Variants in AAMP observed in about 807,000 individuals in gnomAD.
The protein encoded by AAMP is angio-associated migratory cell protein.
In AAMP, 12 loss-of-function variants were observed where a neutral mutation model predicts 51.1. The observed-to-expected ratio is 0.23, with a 90% confidence interval of 0.15 to 0.38. The LOEUF is 0.38. Among genes scored for constraint, AAMP ranks in the 10% least tolerant of loss-of-function variants. The probability of loss-of-function intolerance (pLI) is 1.00; values close to 1 mark genes in which losing one functional copy is unlikely to be tolerated. For missense variants in AAMP, 418 were observed against 557.2 expected, an observed-to-expected ratio of 0.75 and a Z score of 2.52; for synonymous variants, 210 against 218.7, an observed-to-expected ratio of 0.96 and a Z score of 0.35.
Position 218,270,043 on chromosome 2 carries a change from G to T in AAMP, c.44C>A (p.Pro15Gln), listed in dbSNP as rs368777489. 208 of 1,613,642 alleles carry T rather than the reference G, an allele frequency of 1.3e-4. No homozygotes were observed. The highest frequency in any genetic ancestry group is 1.6e-4 in the Non-Finnish European group (194 of 1,179,792). ...ACCATGGAAGCTTAGGGTCTCCAGT[G>T]GGGGGGTGTCAGCAGCAGCCCCGCT... ...SESGAAADTP[P>Q]LETLSFHGDE... Residue 15 changes from proline to glutamine, a missense_variant, in exon 1 of 11, where the codon CCA becomes CAA. Transcript: ENST00000248450.
At chr2:218,269,596 C>G (rs752137748) in intron 1 of AAMP, 62 bp from the exon 2 acceptor site, 12 of 1,612,604 alleles carry the variant, frequency 7.4e-6, no homozygotes, top group Non-Finnish European at 5.1e-6. Flanking sequence ...CGGAGAGAAG[C>G]ATGAGGAGGC....
Position 218,265,376 on chromosome 2 carries a change from G to A in AAMP, c.1069C>T (p.His357Tyr). The change falls in exon 9 of 11, where the codon CAC becomes TAC. Residue 357 changes from histidine (H) to tyrosine (Y), a missense_variant. His to Tyr is a moderately conservative substitution (Grantham distance 83). Transcript: ENST00000248450. The surrounding 1 kb of genome is among the most constrained non-coding windows in gnomAD (Gnocchi z 6.6). Reference sequence around the variant, plus strand: ...CCAGCTCCAGCTGCCCATACCTGGTGCTGACACTGATGCCTAAGAGTCTGC... The same window carrying A: ...CCAGCTCCAGCTGCCCATACCTGGTACTGACACTGATGCCTAAGAGTCTGC... The part of the protein sequence containing the change: ...ATQTLRHQCQ[H>Y]QSGIVQLLWE... The A allele has an allele frequency of 1.3e-6, 2 of 1,557,860 alleles. No homozygotes were observed. The highest frequency in any genetic ancestry group is 1.7e-6 in the Non-Finnish European group (2 of 1,149,622).
Position 218,267,117 on chromosome 2 carries a change from G to T in AAMP, c.395-131C>A. 9.3e-7 allele frequency: 1 copy of T among 1,080,278 alleles called. No individual in the cohort carries two copies. Among genetic ancestry groups the T allele is most frequent in the Non-Finnish European group, 1.3e-6 (1 of 755,294 alleles). 66.9% of individuals were successfully genotyped at this position (1,080,278 alleles called of 1,614,324 possible). ...AAGAGGGGCGGGACTGAGCAGAACA[G>T]GTGCTGGAACTCACCACCACTCTAG... On this transcript the variant is annotated intron_variant, in intron 3 of 10. Coordinates refer to ENST00000248450, the MANE Select transcript of AAMP (RefSeq NM_001087.5). This position sits in a 1 kb window ranked among gnomAD's most constrained non-coding sequence, Gnocchi z 4.6.
At chr2:218,264,947 A>C in intron 10 of AAMP, 73 bp downstream of exon 10, 1 of 1,596,812 alleles carries the variant, frequency 6.3e-7, no homozygotes, top group Non-Finnish European at 8.5e-7. Context: ...CACCCCAAGG[A>C]TCCTGTGTCC....
In AAMP at chr2:218,265,060, G is replaced by A. The variant is rs146196986; in HGVS notation, c.1189C>T (p.Arg397Trp). The change falls in exon 10 of 11, where the codon CGG (arginine) becomes TGG (tryptophan). Residue 397 changes from arginine (R) to tryptophan (W), a missense_variant. Physicochemically the swap from Arg to Trp is moderately radical, Grantham distance 101 (BLOSUM62 -3). Transcript: ENST00000248450. This position sits in a 1 kb window ranked among gnomAD's most constrained non-coding sequence, Gnocchi z 6.6. The part of the protein sequence containing the change: ...ARTGRLLTDY[R>W]GHTAEILDFA... ...TCCAGGATCTCAGCCGTGTGGCCCC[G>A]GTAGTCAGTAAGCAGGCGGCCGGTC... The A allele has an allele frequency of 3.5e-4, 565 of 1,613,876 alleles. 5 individuals are homozygous for A. The East Asian group carries it at 0.012, about 33-fold the overall frequency.
At position 218,264,389 on chromosome 2, in the gene AAMP, G is replaced by A. The variant is rs1488291328; in HGVS notation, c.*144C>T. 2.6e-6 allele frequency: 2 copies of A among 781,444 alleles called. No individual in the cohort carries two copies. Among genetic ancestry groups the A allele is most frequent in the South Asian group, 3.1e-5 (2 of 63,606 alleles). The allele number at this position is 781,444 out of a possible 1,614,324, so 48.4% of individuals were successfully genotyped here. ...TCTCTAAAGAGAAGAAAAGGAGAGG[G>A]GAGCAAGTCAGTTGAAGAGGCTGGA... On this transcript the variant is annotated 3_prime_UTR_variant, in exon 11 of 11. Coordinates refer to ENST00000248450, the MANE Select transcript of AAMP (RefSeq NM_001087.5).
At position 218,265,285 on chromosome 2, in the gene AAMP, G is replaced by C; in HGVS notation, c.1074+86C>G. 3.9e-6 allele frequency: 6 copies of C among 1,544,778 alleles called. No individual in the cohort carries two copies. The highest frequency in any genetic ancestry group is 5.3e-6 in the Non-Finnish European group (6 of 1,138,404). The stretch of plus-strand genomic sequence containing the variant: ...ACACACAAGGGCCAGGCAGGAGCCA[G>C]ATCTGGGGTAGATGCTCCTGGAGGC... On this transcript the variant is annotated intron_variant, in intron 9 of 10. Transcript: ENST00000248450. The surrounding 1 kb of genome is among the most constrained non-coding windows in gnomAD (Gnocchi z 6.6).
chr2:218,268,608 C>T (rs886354272), intron 2 of AAMP, among the ~76,000 whole-genome samples: 1 of 151,744 alleles, frequency 6.6e-6, no homozygotes. Context: ...TTCCAAAGTG[C>T]TGTGATTACA....
Position 218,269,727 on chromosome 2 carries a change from G to A in AAMP, c.122-193C>T, listed in dbSNP as rs1395258391. 2.8e-6 allele frequency: 3 copies of A among 1,073,390 alleles called. No individual in the cohort carries two copies. In the East Asian group the frequency reaches 7.7e-5, roughly 27 times the overall value. The allele number at this position is 1,073,390 out of a possible 1,614,324, so 66.5% of individuals were successfully genotyped here. The stretch of plus-strand genomic sequence containing the variant: ...GCTGGCCAGAGACCGTGCGGTAAGG[G>A]AGGGCCAAGGGGATGATGGGAAGGG... On this transcript the variant is annotated intron_variant, in intron 1 of 10. Transcript: ENST00000248450.
chr2:218,267,515 C>A lies in AAMP; in HGVS notation c.373G>T (p.Glu125Ter). 2 of 1,614,154 alleles carry A rather than the reference C, an allele frequency of 1.2e-6. No individual in the cohort carries two copies. The highest frequency in any genetic ancestry group is 1.7e-6 in the Non-Finnish European group (2 of 1,180,042). Reference sequence around the variant, plus strand: ...TCACCTGCACACTCAAAGAGCAGCTCCCCATCGCTGAGCCGCCATACGAAG... The same window carrying A: ...TCACCTGCACACTCAAAGAGCAGCTACCCATCGCTGAGCCGCCATACGAAG... Reference protein sequence around the residue: ...KAFVWRLSDGELLFECAGHKD... With the variant: ...KAFVWRLSDG Residue 125 changes from glutamate (E) to a stop codon, truncating the protein, a stop_gained, in exon 3 of 11, where the codon GAG (glutamate) becomes TAG (stop). Transcript: ENST00000248450. LOFTEE classifies it high-confidence loss of function. This position sits in a 1 kb window ranked among gnomAD's most constrained non-coding sequence, Gnocchi z 4.6.
chr2:218,264,869 A>T, intron 10 of AAMP, 151 bp downstream of exon 10: 1 of 1,302,900 alleles, frequency 7.7e-7, no homozygotes, highest in East Asian at 2.3e-5. Context: ...ACTGTCAGCC[A>T]CTGGAATGGG....
chr2:218,265,207 G>A lies in AAMP; in HGVS notation c.1075-33C>T. The A allele has an allele frequency of 6.4e-7, 1 of 1,569,526 alleles. No homozygotes were observed. Among genetic ancestry groups the A allele is most frequent in the East Asian group, 2.2e-5 (1 of 44,560 alleles). ...GAGGAATGACAGAGGCAGGGCGGAGGTTGGCAGGAGAGCTGAGAGCCATCT... is the reference window on the plus strand; with the variant it reads ...GAGGAATGACAGAGGCAGGGCGGAGATTGGCAGGAGAGCTGAGAGCCATCT... On this transcript the variant is annotated intron_variant, in intron 9 of 10. Coordinates refer to ENST00000248450, the MANE Select transcript of AAMP (RefSeq NM_001087.5). This position sits in a 1 kb window ranked among gnomAD's most constrained non-coding sequence, Gnocchi z 6.6.
In AAMP at chr2:218,267,630, T is replaced by G; in HGVS notation, c.275-17A>C. ...ACACAGATGCTGTCCCAAGAGATATTCCATGGGTAAGGGGACAGAGCTCCC... is the reference window on the plus strand; with the variant it reads ...ACACAGATGCTGTCCCAAGAGATATGCCATGGGTAAGGGGACAGAGCTCCC... On this transcript the variant is annotated splice_polypyrimidine_tract_variant and intron_variant, in intron 2 of 10. Transcript: ENST00000248450. This position sits in a 1 kb window ranked among gnomAD's most constrained non-coding sequence, Gnocchi z 4.6. 2 of 1,614,110 alleles carry G rather than the reference T, an allele frequency of 1.2e-6. No individual in the cohort carries two copies. Among genetic ancestry groups the G allele is most frequent in the Non-Finnish European group, 1.7e-6 (2 of 1,180,006 alleles).
intron 1 of AAMP, 25 bp downstream of exon 1, chr2:218,269,941 T>G (rs371008027): frequency 6.2e-7 from 1 of 1,613,918 alleles, no homozygotes; most frequent in South Asian, 1.1e-5. Context: ...TCCTGTCCCA[T>G]GGCCTGAGGA....
chr2:218,267,958 G>GGTTTTTT lies in AAMP; in HGVS notation c.275-352_275-346dup, dbSNP rs140247601. ...AGAGCGAGGAGAGCATCACGTTAAGGGTTTTTTGTTTTTTGTTTTTTGTTT... is the reference window on the plus strand; with the variant it reads ...AGAGCGAGGAGAGCATCACGTTAAGGGTTTTTTGTTTTTTGTTTTTTGTTTTTTGTTT... On this transcript the variant is annotated intron_variant, in intron 2 of 10. Coordinates refer to ENST00000248450, the MANE Select transcript of AAMP (RefSeq NM_001087.5). The surrounding 1 kb of genome is among the most constrained non-coding windows in gnomAD (Gnocchi z 4.6). Among the ~76,000 whole-genome samples the GGTTTTTT allele has an allele frequency of 5.9e-5, 9 of 152,018 alleles. No homozygotes were observed. The East Asian group carries it at 1.6e-3, about 26-fold the overall frequency.
At chr2:218,264,759 T>C in intron 10 of AAMP, 151 bp from the exon 11 acceptor site, 2 of 819,750 alleles carry the variant, frequency 2.4e-6, no homozygotes, top group South Asian at 3.1e-5. Flanking sequence ...TGGAGGGGAT[T>C]AGAGGAAGCC....
At chr2:218,269,777 G>A (rs958529482) in intron 1 of AAMP, 189 bp downstream of exon 1, 5 of 1,016,652 alleles carry the variant, frequency 4.9e-6, no homozygotes, top group East Asian at 2.6e-5. Flanking sequence ...AGGGCCAGAG[G>A]AGGCGTCAGG....
At chr2:218,264,973 C>A in intron 10 of AAMP, 47 bp downstream of exon 10, 1 of 1,611,706 alleles carries the variant, frequency 6.2e-7, no homozygotes, top group Non-Finnish European at 8.5e-7. Flanking sequence ...ATACTACTGC[C>A]ACCTTCCAAA....
rs1173240632 is a variant in AAMP, at chr2:218,265,622, C to T, written c.940G>A (p.Glu314Lys). The change falls in exon 8 of 11, where the codon GAG becomes AAG. Residue 314 changes from glutamate to lysine, a missense_variant. Coordinates refer to ENST00000248450, the MANE Select transcript of AAMP (RefSeq NM_001087.5). This position sits in a 1 kb window ranked among gnomAD's most constrained non-coding sequence, Gnocchi z 6.6. ...ASQPSLGEGE[E>K]SESNSVESLG... is the part of the protein sequence containing the mutation. ...GACTCCACCGAGTTGGACTCACTCT[C>T]CTCCCCTTCTCCCAGGCTGGGCTGG... 3 of 1,613,936 alleles carry T rather than the reference C, an allele frequency of 1.9e-6. No individual in the cohort carries two copies. The highest frequency in any genetic ancestry group is 2.5e-6 in the Non-Finnish European group (3 of 1,180,024).
Sources: allele counts gnomAD v4.1 joint callset (sites outside exome capture counted in the v4.1 genomes callset), GRCh38; gene constraint gnomAD v4.1.1; non-coding constraint Gnocchi (gnomAD v3.1); transcripts MANE v1.5; gene names NCBI Gene and HGNC (gene_info 2026-07-23, HGNC 2026-07-21).